The following PTBP2 variants were observed in gnomAD, a reference collection of about 807,000 sequenced individuals.
PTBP2 encodes the protein polypyrimidine tract binding protein 2, also known as polypyrimidine tract-binding protein 2.
In PTBP2, 13 loss-of-function variants were observed where a neutral mutation model predicts 61.4. The observed-to-expected ratio is 0.21, with a 90% CI of 0.14 to 0.34. The LOEUF is 0.34. Ranked by LOEUF, PTBP2 falls within the 10% of genes least tolerant of loss-of-function variation. The pLI is 1.00. For missense variants in PTBP2, 405 were observed against 642.6 expected, an observed-to-expected ratio of 0.63 and a Z score of 4.00; for synonymous variants, 215 against 218.5, an observed-to-expected ratio of 0.98 and a Z score of 0.14.
Position 96,813,414 on chromosome 1 carries a change from A to C in PTBP2, c.*9A>C. 6.3e-7 allele frequency: 1 copy of C among 1,579,380 alleles called. No individual in the cohort carries two copies. The highest frequency in any genetic ancestry group is 8.6e-7 in the Non-Finnish European group (1 of 1,161,850). On this transcript the variant is annotated 3_prime_UTR_variant, in exon 14 of 14. Transcript: ENST00000674951. ...CCAAGTCAACAATTTAAAAATGGGA[A>C]GATGAAGATTGGGGGTGAATCACAT...
chr1:96,728,160 A>T (rs1487616897), intron 2 of PTBP2, among the ~76,000 whole-genome samples: 4 of 151,776 alleles, frequency 2.6e-5, no homozygotes, highest in Non-Finnish European at 5.9e-5. Flanking sequence ...CTAACTTTTA[A>T]ATTTTTTATA....
chr1:96,777,006 A>T (rs1658113102), intron 5 of PTBP2, among the ~76,000 whole-genome samples: 1 of 152,092 alleles, frequency 6.6e-6, no homozygotes, highest in East Asian at 1.9e-4. Context: ...TTCATATTAT[A>T]TCTTGAAGTT....
intron 7 of PTBP2, among the ~76,000 whole-genome samples, chr1:96,779,998 T>C (rs910391697): frequency 6.6e-6 from 1 of 152,068 alleles, no homozygotes; most frequent in Non-Finnish European, 1.5e-5. Flanking sequence ...ACAATGCCTA[T>C]GTCAGATAGA....
At chr1:96,750,933 T>G (rs1654460773) in intron 2 of PTBP2, among the ~76,000 whole-genome samples, 1 of 152,134 alleles carries the variant, frequency 6.6e-6, no homozygotes, top group Non-Finnish European at 1.5e-5. Context: ...CCAAAGATTT[T>G]GCCTTTGCTT....
intron 5 of PTBP2, among the ~76,000 whole-genome samples, chr1:96,772,117 G>C (rs1335371661): frequency 6.6e-6 from 1 of 152,086 alleles, no homozygotes; most frequent in Non-Finnish European, 1.5e-5. Context: ...AAGATCTCCT[G>C]AGACACCAGC....
At chr1:96,809,210 C>G (rs1015062301) in intron 11 of PTBP2, among the ~76,000 whole-genome samples, 2 of 152,088 alleles carry the variant, frequency 1.3e-5, no homozygotes, top group Non-Finnish European at 2.9e-5. Context: ...TTCTGAATTA[C>G]ATGTCAAACT....
At chr1:96,808,652 GT>G (rs1661730321) in intron 11 of PTBP2, among the ~76,000 whole-genome samples, 1 of 152,174 alleles carries the variant, frequency 6.6e-6, no homozygotes, top group Admixed American at 6.5e-5. Flanking sequence ...TGTCACTAAA[GT>G]TTTGACTTGC....
chr1:96,725,178 G>C (rs1431710508), intron 2 of PTBP2, among the ~76,000 whole-genome samples: 1 of 152,206 alleles, frequency 6.6e-6, no homozygotes, highest in African/African-American at 2.4e-5. Flanking sequence ...TGATACAAGT[G>C]TGAGTTGTCG....
chr1:96,732,936 A>C (rs1253119654), intron 2 of PTBP2, among the ~76,000 whole-genome samples: 3 of 152,164 alleles, frequency 2.0e-5, no homozygotes, highest in Non-Finnish European at 4.4e-5. Context: ...CAGGTAGTGA[A>C]ATTTGTACTT....
chr1:96,729,266 C>CT (rs1651034620), intron 2 of PTBP2, among the ~76,000 whole-genome samples: 1 of 152,212 alleles, frequency 6.6e-6, no homozygotes, highest in Non-Finnish European at 1.5e-5. Flanking sequence ...AAGTGATACA[C>CT]TTACCTAGGC....
At chr1:96,737,146 A>G (rs1652326355) in intron 2 of PTBP2, among the ~76,000 whole-genome samples, 1 of 151,710 alleles carries the variant, frequency 6.6e-6, no homozygotes, top group East Asian at 1.9e-4. Flanking sequence ...CACCCGGCTA[A>G]TTTTTTGTAT....
At chr1:96,758,065 G>A (rs1037999270) in intron 3 of PTBP2, among the ~76,000 whole-genome samples, 2 of 151,968 alleles carry the variant, frequency 1.3e-5, no homozygotes, top group African/African-American at 4.8e-5. Flanking sequence ...GAGTATAATA[G>A]TATAACATAA....
intron 2 of PTBP2, among the ~76,000 whole-genome samples, chr1:96,724,274 C>T (rs985880288): frequency 1.3e-5 from 2 of 151,350 alleles, no homozygotes; most frequent in South Asian, 2.1e-4. Context: ...TTTTTTGAGA[C>T]GGAGCCTCAC....
At chr1:96,776,375 T>G (rs903290254) in intron 5 of PTBP2, among the ~76,000 whole-genome samples, 5 of 152,010 alleles carry the variant, frequency 3.3e-5, no homozygotes, top group Non-Finnish European at 7.4e-5. Context: ...CTATCACATT[T>G]CAAAATGTTG....
At position 96,724,357 on chromosome 1, in the gene PTBP2, TCTC is replaced by T. The variant is rs564713179; in HGVS notation, c.39+766_39+768del. Reference sequence around the variant, plus strand: ...CCTCTGCCTCCTGGGTTCAAGCAGTTCTCCTGCCTCAGCCTCCTGAGTAGCTGG... The same window carrying T: ...CCTCTGCCTCCTGGGTTCAAGCAGTTCTGCCTCAGCCTCCTGAGTAGCTGG... On this transcript the variant is annotated intron_variant, in intron 2 of 13. Transcript: ENST00000674951. Among the ~76,000 whole-genome samples, 92 of 152,140 alleles carry T rather than the reference TCTC, an allele frequency of 6.0e-4. No homozygotes were observed. The Middle Eastern group carries it at 0.01, about 17-fold the overall frequency.
intron 2 of PTBP2, among the ~76,000 whole-genome samples, chr1:96,741,840 G>T (rs1653076740): frequency 1.3e-5 from 2 of 152,142 alleles, no homozygotes; most frequent in African/African-American, 4.8e-5. Context: ...AGCTTAGTAT[G>T]TACTTGATTG....
At chr1:96,785,718 A>AT (rs1037419521) in intron 8 of PTBP2, among the ~76,000 whole-genome samples, 1 of 152,016 alleles carries the variant, frequency 6.6e-6, no homozygotes, top group Non-Finnish European at 1.5e-5. Context: ...GGCATATGGG[A>AT]TTTTTTTTGA....
At chr1:96,772,120 A>AC (rs1657452234) in intron 5 of PTBP2, among the ~76,000 whole-genome samples, 1 of 152,130 alleles carries the variant, frequency 6.6e-6, no homozygotes, top group African/African-American at 2.4e-5. Context: ...ATCTCCTGAG[A>AC]CACCAGCAAG....
intron 2 of PTBP2, among the ~76,000 whole-genome samples, chr1:96,725,120 T>C (rs1471039123): frequency 6.6e-6 from 1 of 152,130 alleles, no homozygotes; most frequent in Non-Finnish European, 1.5e-5. Context: ...TGGTAGATGT[T>C]GTAGGTTCCA....
Sources: gnomAD v4.1 joint callset for allele counts (sites outside exome capture counted in the v4.1 genomes callset) on GRCh38, gnomAD v4.1.1 for gene constraint, MANE v1.5 for transcripts, NCBI Gene and HGNC (gene_info 2026-07-23, HGNC 2026-07-21) for gene names.